The following ARID5B variants were observed in gnomAD, a reference collection of about 807,000 sequenced individuals.
The protein encoded by ARID5B is AT-rich interaction domain 5B.
ARID5B carries 13 observed loss-of-function variants against 97.2 expected under a neutral mutation model. That is an observed-to-expected ratio of 0.13 (90% confidence interval 0.09 to 0.21). ARID5B has a LOEUF of 0.21. Among genes scored for constraint, ARID5B ranks in the 10% least tolerant of loss-of-function variants. The pLI, the probability that ARID5B is intolerant of heterozygous loss-of-function variation, is 1.00. For synonymous variants in ARID5B, 556 were observed against 570.3 expected, an observed-to-expected ratio of 0.97 and a Z score of 0.36; for missense variants, 1,210 against 1,465.3, an observed-to-expected ratio of 0.83 and a Z score of 2.84.
At chr10:61,986,469 T>A (rs1313360431) in intron 3 of ARID5B, among the ~76,000 whole-genome samples, 2 of 152,270 alleles carry the variant, frequency 1.3e-5, no homozygotes, top group Admixed American at 6.5e-5. Context: ...TAATCAACAT[T>A]CGGGTGTGTT....
At chr10:61,921,626 GT>G (rs1240861892) in intron 2 of ARID5B, among the ~76,000 whole-genome samples, 1 of 152,078 alleles carries the variant, frequency 6.6e-6, no homozygotes, top group Non-Finnish European at 1.5e-5. Context: ...GCCTAATTCT[GT>G]TTGTTAGAAG....
chr10:62,093,216 A>C lies in ARID5B; in HGVS notation c.*186A>C, dbSNP rs1303619616. ...TTTTGTGGGACAACTCTAGCCCACA[A>C]ACTGACTGGCTGGTGAGTCTTGACT... On this transcript the variant is annotated 3_prime_UTR_variant, in exon 10 of 10. Transcript: ENST00000279873. 9.9e-6 allele frequency: 8 copies of C among 808,460 alleles called. No individual in the cohort carries two copies. The East Asian group carries it at 2.2e-4, about 23-fold the overall frequency. The allele number at this position is 808,460 out of a possible 1,614,324, so 50.1% of individuals were successfully genotyped here. A position where few individuals can be genotyped will look rare whatever the true frequency, so the allele number is the denominator to read the frequency against.
At chr10:61,952,484 T>C (rs144821785) in intron 3 of ARID5B, among the ~76,000 whole-genome samples, 125 of 152,364 alleles carry the variant, frequency 8.2e-4, no homozygotes, top group Non-Finnish European at 1.4e-3. Context: ...CTTAACTCTA[T>C]AGTGTTAGCA....
chr10:62,010,899 C>T (rs10995004), intron 4 of ARID5B, among the ~76,000 whole-genome samples: 16 of 152,036 alleles, frequency 1.1e-4, no homozygotes, highest in African/African-American at 3.1e-4. Context: ...GCATACAGGG[C>T]GTTGTCAGGT....
intron 3 of ARID5B, among the ~76,000 whole-genome samples, chr10:61,968,015 A>G (rs996936707): frequency 6.6e-6 from 1 of 151,574 alleles, no homozygotes; most frequent in Non-Finnish European, 1.5e-5. Flanking sequence ...TTGGATTTTT[A>G]GAAAAATTAT....
At chr10:62,041,553 T>A (rs2393739) in intron 4 of ARID5B, among the ~76,000 whole-genome samples, 376 of 152,366 alleles carry the variant, frequency 2.5e-3, no homozygotes, top group Non-Finnish European at 4.1e-3. Flanking sequence ...ATTGGGAGCC[T>A]ATCACTTGAT....
At chr10:61,917,720 C>A (rs1332479181) in intron 2 of ARID5B, among the ~76,000 whole-genome samples, 2 of 152,096 alleles carry the variant, frequency 1.3e-5, no homozygotes, top group Non-Finnish European at 2.9e-5. Context: ...GTAACTAAAG[C>A]AAAAAGAACC....
At chr10:62,018,690 C>G (rs1481248422) in intron 4 of ARID5B, among the ~76,000 whole-genome samples, 1 of 148,986 alleles carries the variant, frequency 6.7e-6, no homozygotes. Context: ...TGCTTGACCA[C>G]CCTGTCTTGT....
At chr10:61,967,326 GA>G (rs1306343616) in intron 3 of ARID5B, among the ~76,000 whole-genome samples, 6 of 152,208 alleles carry the variant, frequency 3.9e-5, no homozygotes, top group Non-Finnish European at 7.3e-5. Context: ...CTTACAGGAA[GA>G]AGCTTATCTT....
intron 4 of ARID5B, among the ~76,000 whole-genome samples, chr10:62,006,405 G>T (rs1428018764): frequency 1.3e-5 from 2 of 152,180 alleles, no homozygotes; most frequent in African/African-American, 4.8e-5. Flanking sequence ...TCGCGCCATT[G>T]TACTCCAGCC....
chr10:61,905,064 T>C (rs372515446), intron 2 of ARID5B, among the ~76,000 whole-genome samples: 56 of 152,264 alleles, frequency 3.7e-4, no homozygotes, highest in African/African-American at 2.9e-4. Context: ...TTAACTTGTT[T>C]ATATACATTT....
At chr10:61,961,104 T>G (rs1384748576) in intron 3 of ARID5B, among the ~76,000 whole-genome samples, 3 of 152,226 alleles carry the variant, frequency 2.0e-5, no homozygotes, top group Non-Finnish European at 4.4e-5. Context: ...TCCTAGACTT[T>G]AGTCATTTAT....
chr10:61,957,322 G>A (rs1210838461), intron 3 of ARID5B, among the ~76,000 whole-genome samples: 4 of 152,152 alleles, frequency 2.6e-5, no homozygotes, highest in Non-Finnish European at 2.9e-5. Context: ...AGGCTGGAGT[G>A]CAGTGGTGCG....
In ARID5B at chr10:62,011,436, G is replaced by A. The variant is rs190461227; in HGVS notation, c.733+11115G>A. ...ATTTTATCCCATAGCTGTTGAAAGA[G>A]AGGAAATTGAAATGTGTCAGGACTA... On this transcript the variant is annotated intron_variant, in intron 4 of 9. Coordinates refer to ENST00000279873, the MANE Select transcript of ARID5B (RefSeq NM_032199.3). 7.2e-5 allele frequency among the ~76,000 whole-genome samples: 11 copies of A among 152,292 alleles called. No individual in the cohort carries two copies. In the East Asian group the frequency reaches 1.7e-3, roughly 24 times the overall value.
At chr10:61,921,224 A>G (rs1589219592) in intron 2 of ARID5B, among the ~76,000 whole-genome samples, 1 of 152,216 alleles carries the variant, frequency 6.6e-6, no homozygotes, top group East Asian at 1.9e-4. Context: ...TGTTAAAACA[A>G]CACTTACTAT....
intron 8 of ARID5B, among the ~76,000 whole-genome samples, chr10:62,081,959 C>G (rs1332746621): frequency 1.3e-5 from 2 of 151,694 alleles, no homozygotes; most frequent in Non-Finnish European, 2.9e-5. Flanking sequence ...GGTTATAATG[C>G]TATTGACTTG....
intron 4 of ARID5B, among the ~76,000 whole-genome samples, chr10:62,020,505 C>T (rs558855251): frequency 6.6e-6 from 1 of 152,264 alleles, no homozygotes; most frequent in South Asian, 2.1e-4. Flanking sequence ...ACCTCCAACA[C>T]AATGGGCAAA....
rs560969095 is a variant in ARID5B, at chr10:61,967,971, G to A, written c.502+27563G>A. Reference sequence around the variant, plus strand: ...TTTTCTTGGTTTATTCAGTAAACACGTAAGGGCCTATTATGCCCAGGCTCC... The same window carrying A: ...TTTTCTTGGTTTATTCAGTAAACACATAAGGGCCTATTATGCCCAGGCTCC... On this transcript the variant is annotated intron_variant, in intron 3 of 9. Transcript: ENST00000279873. 2.3e-4 allele frequency among the ~76,000 whole-genome samples: 35 copies of A among 151,718 alleles called. 1 individual carries two copies. Among genetic ancestry groups the A allele is most frequent in the Non-Finnish European group, 4.4e-4 (30 of 67,970 alleles).
At chr10:62,051,411 G>A (rs1200085650) in intron 5 of ARID5B, among the ~76,000 whole-genome samples, 1 of 152,110 alleles carries the variant, frequency 6.6e-6, no homozygotes, top group Non-Finnish European at 1.5e-5. Context: ...GATTAACAGA[G>A]GATGAAATTA....
Sources: allele counts gnomAD v4.1 joint callset (sites outside exome capture counted in the v4.1 genomes callset), GRCh38; gene constraint gnomAD v4.1.1; transcripts MANE v1.5; gene names NCBI Gene and HGNC (gene_info 2026-07-23, HGNC 2026-07-21).